The following ZFHX3 variants were observed in gnomAD, a reference collection of about 807,000 sequenced individuals.
ZFHX3 encodes the protein zinc finger homeobox protein 3.
Under a neutral mutation model 279.1 loss-of-function variants are expected in ZFHX3, and 42 were observed. The ratio of observed to expected loss-of-function variants is 0.15; its 90% CI spans 0.12 to 0.19. ZFHX3 has a LOEUF of 0.19. Ranked by LOEUF, ZFHX3 falls within the 10% of genes least tolerant of loss-of-function variation. ZFHX3 has a pLI of 1.00. For missense variants in ZFHX3, 4,981 were observed against 4,754.0 expected (o/e 1.05, Z -1.40); for synonymous variants, 2,293 against 1,957.8 (o/e 1.17, Z -4.52).
At chr16:72,823,506 G>A (rs1300960114) in intron 5 of ZFHX3, among the ~76,000 whole-genome samples, 1 of 152,146 alleles carries the variant, frequency 6.6e-6, no homozygotes, top group Non-Finnish European at 1.5e-5. Flanking sequence ...TCTGTCCCAA[G>A]AACACAGAAC....
chr16:73,567,384 T>G (rs1444948670), intron 2 of ZFHX3, among the ~76,000 whole-genome samples: 1 of 152,236 alleles, frequency 6.6e-6, no homozygotes, highest in Non-Finnish European at 1.5e-5. Context: ...ATCCTCCAAG[T>G]TCTCTTCCTC....
chr16:73,833,593 AGGGCCTGTC>A (rs1961058055), intron 1 of ZFHX3, among the ~76,000 whole-genome samples: 2 of 151,126 alleles, frequency 1.3e-5, no homozygotes, highest in Admixed American at 6.6e-5. Flanking sequence ...ATCACACACC[AGGGCCTGTC>A]GGGGGTTGGG....
intron 2 of ZFHX3, among the ~76,000 whole-genome samples, chr16:73,640,135 A>G (rs994436572): frequency 1.3e-5 from 2 of 152,178 alleles, no homozygotes; most frequent in East Asian, 3.8e-4. Context: ...AGATTCAGAG[A>G]TCCTGGGGCC....
intron 1 of ZFHX3, among the ~76,000 whole-genome samples, chr16:73,694,344 ATTTTT>A (rs1353473202): frequency 6.7e-4 from 102 of 151,508 alleles, no homozygotes; most frequent in African/African-American, 2.3e-3. Flanking sequence ...ATTTTATTTT[ATTTTT>A]ATTTATTTTT....
At position 72,787,743 on chromosome 16, in the gene ZFHX3, A is replaced by ACCG. The variant is rs762513291; in HGVS notation, c.10530_10532dup (p.Gly3512dup). 492 of 1,376,212 alleles carry ACCG rather than the reference A, an allele frequency of 3.6e-4. 1 individual carries two copies. Among genetic ancestry groups the ACCG allele is most frequent in the African/African-American group, 1.0e-3 (70 of 66,900 alleles). The allele number at this position is 1,376,212 out of a possible 1,614,324, so 85.3% of individuals were successfully genotyped here. ...CACCGCCGCCGCCGCCGCCACTGCC[A>ACCG]CCGCCGCCGCCGCCGGTGGGGACGT... is the stretch of plus-strand genomic sequence containing the variant. On this transcript the variant is annotated inframe_insertion, in exon 10 of 10. Transcript: ENST00000268489.
Position 72,959,747 on chromosome 16 carries a change from G to A in ZFHX3, c.399C>T (p.Ile133=), listed in dbSNP as rs368497120. The A allele has an allele frequency of 4.3e-5, 70 of 1,611,356 alleles. No individual in the cohort carries two copies. Among genetic ancestry groups the A allele is most frequent in the Admixed American group, 5.0e-5 (3 of 59,890 alleles). Residue 133 remains isoleucine, a synonymous_variant, in exon 2 of 10, where the codon ATC becomes ATT. Coordinates refer to ENST00000268489, the MANE Select transcript of ZFHX3 (RefSeq NM_006885.4). ...ACGCGGAGCCGTCCGGCTGGTAGAC[G>A]ATCTCCCCGGCCAGGTTCTCCACGT... The part of the protein sequence containing the change: ...ESDVENLAGE[I]VYQPDGSAYI...
intron 5 of ZFHX3, among the ~76,000 whole-genome samples, chr16:72,819,577 T>A (rs978422110): frequency 6.6e-6 from 1 of 152,140 alleles, no homozygotes; most frequent in African/African-American, 2.4e-5. Flanking sequence ...TTGAGAACAG[T>A]GGTCAGAGCC....
chr16:73,880,091 A>G (rs1005103429), intron 1 of ZFHX3, among the ~76,000 whole-genome samples: 1 of 152,162 alleles, frequency 6.6e-6, no homozygotes, highest in African/African-American at 2.4e-5. Context: ...ACGTTCCATT[A>G]CTTCAGGGCT....
chr16:73,738,457 C>T (rs759652310), intron 1 of ZFHX3, among the ~76,000 whole-genome samples: 20 of 152,228 alleles, frequency 1.3e-4, no homozygotes, highest in Non-Finnish European at 2.5e-4. Context: ...TGCACATTAA[C>T]ATGGCTTTCC....
Position 72,812,058 on chromosome 16 carries a change from A to G in ZFHX3, c.3530-20T>C. On this transcript the variant is annotated intron_variant, in intron 5 of 9. Coordinates refer to ENST00000268489, the MANE Select transcript of ZFHX3 (RefSeq NM_006885.4). ...ACGATGCTAAAAGAGAAAGTAGAAG[A>G]TGCAATACAGCAGCCAGACCAGGCC... is the stretch of plus-strand genomic sequence containing the variant. 1 of 1,613,140 alleles carries G rather than the reference A, an allele frequency of 6.2e-7. No homozygotes were observed. The highest frequency in any genetic ancestry group is 8.5e-7 in the Non-Finnish European group (1 of 1,179,502).
intron 3 of ZFHX3, among the ~76,000 whole-genome samples, chr16:73,326,386 T>G (rs777337418): frequency 2.0e-5 from 3 of 152,192 alleles, no homozygotes; most frequent in Non-Finnish European, 2.9e-5. Context: ...TTTCCAGTTC[T>G]CAGTGCAATG....
At position 73,413,720 on chromosome 16, in the gene ZFHX3, TGAA is replaced by T. The variant is rs1181722038; in HGVS notation, c.-1291+42280_-1291+42282del. 3.0e-4 allele frequency among the ~76,000 whole-genome samples: 45 copies of T among 152,290 alleles called. No homozygotes were observed. The East Asian group carries it at 7.7e-3, about 26-fold the overall frequency. On this transcript the variant is annotated intron_variant, in intron 3 of 17. Coordinates refer to the ZFHX3 transcript ENST00000641206. ...ACCATCCATCCATCTATCCATCCACTGAACAAGTATTTGCATACCTAGGGGCAT... is the reference window on the plus strand; with the variant it reads ...ACCATCCATCCATCTATCCATCCACTCAAGTATTTGCATACCTAGGGGCAT...
At chr16:73,170,786 C>CA (rs1967502524) in intron 5 of ZFHX3, among the ~76,000 whole-genome samples, 1 of 152,094 alleles carries the variant, frequency 6.6e-6, no homozygotes, top group Admixed American at 6.5e-5. Flanking sequence ...AAGTGTCAGT[C>CA]AGAGATTTTC....
rs190582955 is a variant in ZFHX3, at chr16:73,131,968, T to C, written c.-1023-874A>G. On this transcript the variant is annotated intron_variant, in intron 6 of 17. Coordinates refer to the ZFHX3 transcript ENST00000641206. ...GCACAGAGATGCTAGGTATTATTAT[T>C]GGCTTGATGCCTCCCTGTGATGCAA... Among the ~76,000 whole-genome samples, 43 of 152,236 alleles carry C rather than the reference T, an allele frequency of 2.8e-4. No individual in the cohort carries two copies. In the East Asian group the frequency reaches 8.1e-3, roughly 29 times the overall value.
At chr16:72,954,464 G>A (rs960460178) in intron 2 of ZFHX3, among the ~76,000 whole-genome samples, 1 of 152,192 alleles carries the variant, frequency 6.6e-6, no homozygotes, top group African/African-American at 2.4e-5. Flanking sequence ...CTCTGGGTAT[G>A]CACCTAACTC....
intron 7 of ZFHX3, among the ~76,000 whole-genome samples, chr16:73,095,820 A>G (rs528605709): frequency 3.9e-4 from 60 of 152,328 alleles, no homozygotes; most frequent in African/African-American, 1.4e-3. Flanking sequence ...ATTTCATTTG[A>G]AAGAAGGCGG....
intron 2 of ZFHX3, among the ~76,000 whole-genome samples, chr16:73,636,318 T>C (rs2142152010): frequency 6.6e-6 from 1 of 152,316 alleles, no homozygotes; most frequent in African/African-American, 2.4e-5. Context: ...ATAACTGTAA[T>C]GATGAAACCC....
intron 1 of ZFHX3, among the ~76,000 whole-genome samples, chr16:73,888,858 A>AC (rs2030434613): frequency 6.6e-6 from 1 of 151,850 alleles, no homozygotes; most frequent in Admixed American, 6.6e-5. Flanking sequence ...CTAAAAAAAA[A>AC]CCGGGAAGGA....
intron 7 of ZFHX3, among the ~76,000 whole-genome samples, chr16:72,810,957 T>G (rs962901580): frequency 6.6e-6 from 1 of 152,210 alleles, no homozygotes; most frequent in Non-Finnish European, 1.5e-5. Context: ...CATAGCTCAC[T>G]GCAACCTCAA....
Sources: gnomAD v4.1 joint callset for allele counts (sites outside exome capture counted in the v4.1 genomes callset) on GRCh38, gnomAD v4.1.1 for gene constraint, MANE v1.5 for transcripts, NCBI Gene and HGNC (gene_info 2026-07-23, HGNC 2026-07-21) for gene names.